Variants in PDE4A observed in about 807,000 individuals in gnomAD.
PDE4A encodes phosphodiesterase 4A, also known as 3',5'-cyclic-AMP phosphodiesterase 4A.
In PDE4A, 21 loss-of-function variants were observed where a neutral mutation model predicts 73.9. The ratio of observed to expected loss-of-function variants is 0.28; its 90% confidence interval spans 0.20 to 0.41. The LOEUF is 0.41. Among genes scored for constraint, PDE4A ranks in the 10% least tolerant of loss-of-function variants. PDE4A has a pLI of 1.00. For missense variants in PDE4A, 958 were observed against 1,211.4 expected (o/e 0.79, Z 3.10); for synonymous variants, 463 against 505.4 (o/e 0.92, Z 1.13).
rs765570103 is a variant in PDE4A, at chr19:10,466,907, T to C, written c.1947T>C (p.Ile649=). The C allele has an allele frequency of 6.2e-7, 1 of 1,613,992 alleles. No homozygotes were observed. The highest frequency in any genetic ancestry group is 1.1e-5 in the South Asian group (1 of 91,078). Residue 649 remains isoleucine, a synonymous_variant, in exon 15 of 15, where the codon ATT becomes ATC. Transcript: ENST00000380702. ...ACCAGGTGGGTTTTATTGACTACAT[T>C]GTGCACCCATTGTGGGAGACCTGGG... ...EKSQVGFIDY[I]VHPLWETWAD...
At chr19:10,462,471 A>T (rs987135582) in intron 13 of PDE4A, among the ~76,000 whole-genome samples, 18 of 123,526 alleles carry the variant, frequency 1.5e-4, no homozygotes, top group African/African-American at 4.1e-4. Flanking sequence ...CTCTTTTTTT[A>T]AATTTATTTT....
rs761008732 is a variant in PDE4A at position 10,459,467 on chromosome 19, C to T, written c.1169C>T (p.Ser390Leu). The change falls in exon 9 of 15, where the codon TCA (serine) becomes TTA (leucine). Residue 390 changes from serine (S) to leucine (L), a missense_variant. Around this residue, in one of 3 missense-constraint regions of PDE4A, gnomAD observed 570 missense variants for 827.7 expected, o/e 0.69. Transcript: ENST00000380702. Reference protein sequence around the residue: ...FCVSDYAGGRSLTCIMYMIFQ... With the variant: ...FCVSDYAGGRLLTCIMYMIFQ... The stretch of plus-strand genomic sequence containing the variant: ...GTGTCGGATTACGCTGGAGGCCGCT[C>T]ACTCACCTGCATCATGTACATGATA... 5.6e-6 allele frequency: 9 copies of T among 1,613,996 alleles called. No individual in the cohort carries two copies. The East Asian group carries it at 8.9e-5, about 16-fold the overall frequency.
intron 1 of PDE4A, 179 bp downstream of exon 1, chr19:10,421,263 A>ATG: frequency 2.0e-6 from 2 of 985,076 alleles, no homozygotes; most frequent in South Asian, 9.4e-5. Flanking sequence ...GCTCTACGGG[A>ATG]GGCTTCCTGC....
chr19:10,461,061 G>A lies in PDE4A; in HGVS notation c.1423G>A (p.Val475Met), dbSNP rs760292317. 1.2e-6 allele frequency: 2 copies of A among 1,613,792 alleles called. No homozygotes were observed. Among genetic ancestry groups the A allele is most frequent in the Admixed American group, 3.3e-5 (2 of 59,988 alleles). The stretch of plus-strand genomic sequence containing the variant: ...CCTCTTCGCGGCTGCCATCCACGAT[G>A]TGGATCACCCTGGGGTCTCCAACCA... The part of the protein sequence containing the change: ...AALFAAAIHD[V>M]DHPGVSNQFL... The change falls in exon 11 of 15, where the codon GTG becomes ATG. Residue 475 changes from valine (V) to methionine (M), a missense_variant. Val to Met is a conservative substitution (Grantham distance 21). Coordinates refer to ENST00000380702, the MANE Select transcript of PDE4A (RefSeq NM_001111307.2).
intron 6 of PDE4A, among the ~76,000 whole-genome samples, chr19:10,452,593 C>G (rs557447826): frequency 6.6e-6 from 1 of 150,960 alleles, no homozygotes; most frequent in East Asian, 2.0e-4. Context: ...TGTTGGACAT[C>G]AGAGTTGTGA....
At chr19:10,449,560 A>G (rs934666897) in intron 4 of PDE4A, among the ~76,000 whole-genome samples, 1 of 151,800 alleles carries the variant, frequency 6.6e-6, no homozygotes, top group African/African-American at 2.4e-5. Context: ...GGGTTTCACC[A>G]TGTTGGCCAG....
At position 10,420,815 on chromosome 19, in the gene PDE4A, C is replaced by T. The variant is rs117495488; in HGVS notation, c.51C>T (p.Pro17=). 5,343 of 1,587,414 alleles carry T rather than the reference C, an allele frequency of 3.4e-3. 89 individuals carry two copies. In the East Asian group the frequency reaches 0.042, roughly 12 times the overall value. The change falls in exon 1 of 15, where the codon CCC becomes CCT. Residue 17 remains proline, a synonymous_variant. Transcript: ENST00000380702. This position sits in a 1 kb window ranked among gnomAD's most constrained non-coding sequence, Gnocchi z 6.0. ...PSERSLSLSL[P]GPREGQATLK... ...AAAGGAGCCTGTCTCTGTCACTGCC[C>T]GGGCCCCGGGAGGGCCAGGCCACCC...
At position 10,453,025 on chromosome 19, in the gene PDE4A, C is replaced by T; in HGVS notation, c.784-1804C>T. On this transcript the variant is annotated intron_variant, in intron 6 of 14. Transcript: ENST00000380702. The surrounding 1 kb of genome is among the most constrained non-coding windows in gnomAD (Gnocchi z 4.6). Reference sequence around the variant, plus strand: ...GGGCACGGACCCCCCACCGCCTCCACCCACTGCCGCGGGGGGGCCCGTTGG... The same window carrying T: ...GGGCACGGACCCCCCACCGCCTCCATCCACTGCCGCGGGGGGGCCCGTTGG... The T allele has an allele frequency of 7.5e-7, 1 of 1,331,870 alleles. No individual in the cohort carries two copies. The highest frequency in any genetic ancestry group is 9.6e-7 in the Non-Finnish European group (1 of 1,041,988). 82.5% of individuals were successfully genotyped at this position (1,331,870 alleles called of 1,614,324 possible). A position where few individuals can be genotyped will look rare whatever the true frequency, so the allele number is the denominator to read the frequency against.
intron 1 of PDE4A, among the ~76,000 whole-genome samples, chr19:10,445,583 C>T (rs1171113984): frequency 6.6e-6 from 1 of 152,014 alleles, no homozygotes; most frequent in Non-Finnish European, 1.5e-5. Flanking sequence ...GCCTGGCCAA[C>T]ATGGTGGAAC....
chr19:10,438,058 G>A (rs1311957416), intron 1 of PDE4A, among the ~76,000 whole-genome samples: 3 of 151,348 alleles, frequency 2.0e-5, no homozygotes, highest in East Asian at 1.9e-4. Flanking sequence ...ATCCTCCCGC[G>A]TGGGCCTCCC....
At chr19:10,465,311 C>G (rs1218032788) in intron 14 of PDE4A, among the ~76,000 whole-genome samples, 2 of 151,862 alleles carry the variant, frequency 1.3e-5, no homozygotes, top group Non-Finnish European at 2.9e-5. Context: ...ACCTCCGCCT[C>G]TCGGGTTCAA....
rs1446384629 is a variant in PDE4A, at chr19:10,436,385, G to A, written c.321-9833G>A. Among the ~76,000 whole-genome samples, 5 of 152,076 alleles carry A rather than the reference G, an allele frequency of 3.3e-5. No homozygotes were observed. In the South Asian group the frequency reaches 6.2e-4, roughly 19 times the overall value. On this transcript the variant is annotated intron_variant, in intron 1 of 14. Transcript: ENST00000380702. ...AGCCTGACCAACATGGAGAAACCCC[G>A]TCTCTACTAAAAATACAAAATTAGC...
At chr19:10,460,917 G>A in intron 10 of PDE4A, 87 bp from the exon 11 acceptor site, 1 of 1,412,788 alleles carries the variant, frequency 7.1e-7, no homozygotes, top group Non-Finnish European at 9.5e-7. Flanking sequence ...TCCCATCTCA[G>A]CCTCCTAAGT....
chr19:10,438,768 G>A lies in PDE4A; in HGVS notation c.321-7450G>A, dbSNP rs534004035. ...ATTACAGGCATGTGCCACCACGCCCGGCTAATTTTGTATTTTTAGTAGAGA... is the reference window on the plus strand; with the variant it reads ...ATTACAGGCATGTGCCACCACGCCCAGCTAATTTTGTATTTTTAGTAGAGA... On this transcript the variant is annotated intron_variant, in intron 1 of 14. Transcript: ENST00000380702. Among the ~76,000 whole-genome samples the A allele has an allele frequency of 8.4e-4, 127 of 151,920 alleles. 1 individual carries two copies. The highest frequency in any genetic ancestry group is 3.0e-3 in the African/African-American group (125 of 41,404).
chr19:10,432,176 C>CGGGGGGGGGGGGG (rs568009200), intron 1 of PDE4A, among the ~76,000 whole-genome samples: 1 of 17,330 alleles, frequency 5.8e-5, no homozygotes, highest in Admixed American at 9.2e-4. Context: ...AGGGAGGAGA[C>CGGGGGGGGGGGGG]GGGGGGGGGG....
At chr19:10,427,264 C>A (rs1203413430) in intron 1 of PDE4A, among the ~76,000 whole-genome samples, 1 of 152,178 alleles carries the variant, frequency 6.6e-6, no homozygotes, top group Non-Finnish European at 1.5e-5. Flanking sequence ...CGTGCCAGTG[C>A]ACTTCAGCCT....
chr19:10,453,941 T>G lies in PDE4A; in HGVS notation c.784-888T>G, dbSNP rs894010071. On this transcript the variant is annotated intron_variant, in intron 6 of 14. Coordinates refer to ENST00000380702, the MANE Select transcript of PDE4A (RefSeq NM_001111307.2). This position sits in a 1 kb window ranked among gnomAD's most constrained non-coding sequence, Gnocchi z 4.6. ...AGCCTGGGCCATGCAGGCTCACCCC[T>G]CCTGCCAAGTGTCCCTCCTGCTTCC... Among the ~76,000 whole-genome samples, 3 of 152,114 alleles carry G rather than the reference T, an allele frequency of 2.0e-5. No individual in the cohort carries two copies. The highest frequency in any genetic ancestry group is 6.6e-5 in the Admixed American group (1 of 15,264).
intron 14 of PDE4A, among the ~76,000 whole-genome samples, chr19:10,466,583 C>T (rs1050662458): frequency 6.6e-6 from 1 of 151,790 alleles, no homozygotes; most frequent in Non-Finnish European, 1.5e-5. Flanking sequence ...TTGCAATCTC[C>T]GCCTCCCAGG....
intron 1 of PDE4A, chr19:10,430,866 G>T: frequency 7.0e-7 from 1 of 1,422,950 alleles, no homozygotes. Flanking sequence ...GCGCGGCCTA[G>T]GCCGCATCCC....
Sources: gnomAD v4.1 joint callset for allele counts (sites outside exome capture counted in the v4.1 genomes callset) on GRCh38, gnomAD v4.1.1 for gene constraint, gnomAD v4.1.1 regional missense constraint, Gnocchi (gnomAD v3.1) non-coding constraint, MANE v1.5 for transcripts, NCBI Gene and HGNC (gene_info 2026-07-23, HGNC 2026-07-21) for gene names.